The following DNM3 variants were observed in gnomAD, a reference collection of about 807,000 sequenced individuals.
The protein encoded by DNM3 is dynamin 3.
Under a neutral mutation model 101.6 loss-of-function variants are expected in DNM3, and 47 were observed. The observed-to-expected ratio is 0.46, with a 90% CI of 0.37 to 0.59. DNM3 has a LOEUF of 0.59. Ranked by LOEUF, DNM3 falls within the 20% of genes least tolerant of loss-of-function variation. DNM3 has a pLI of 0.00. For synonymous variants in DNM3, 385 were observed against 387.9 expected (o/e 0.99, Z 0.09); for missense variants, 849 against 1,085.7 (o/e 0.78, Z 3.06).
At chr1:171,985,531 G>A (rs2045185589) in intron 2 of DNM3, among the ~76,000 whole-genome samples, 1 of 152,164 alleles carries the variant, frequency 6.6e-6, no homozygotes, top group East Asian at 1.9e-4. Context: ...GCCTGTTGAG[G>A]CTTTACTGTT....
chr1:171,841,823 C>A lies in DNM3; in HGVS notation c.161+6C>A, dbSNP rs373357481. The A allele has an allele frequency of 3.1e-6, 5 of 1,603,406 alleles. No homozygotes were observed. In the African/African-American group the frequency reaches 6.7e-5, roughly 21 times the overall value. ...CTCGAGAACTTCGTGGGCAGGTAAG[C>A]GCGCAGGGCGCGGAGTAAGGATGCG... On this transcript the variant is annotated splice_donor_region_variant and intron_variant, in intron 1 of 20. Coordinates refer to ENST00000627582, the MANE Select transcript of DNM3 (RefSeq NM_015569.5).
chr1:171,929,815 G>C (rs1215992655), intron 2 of DNM3, among the ~76,000 whole-genome samples: 1 of 152,218 alleles, frequency 6.6e-6, no homozygotes, highest in Non-Finnish European at 1.5e-5. Flanking sequence ...CAGCATTGGG[G>C]ATCCTCTTAA....
intron 11 of DNM3, among the ~76,000 whole-genome samples, chr1:172,081,219 C>T (rs1463509946): frequency 6.6e-6 from 1 of 152,144 alleles, no homozygotes; most frequent in Non-Finnish European, 1.5e-5. Flanking sequence ...ACCTCAGCCT[C>T]CAGAGTAGCT....
At position 171,968,787 on chromosome 1, in the gene DNM3, A is replaced by G. The variant is rs187150584; in HGVS notation, c.236-18869A>G. Among the ~76,000 whole-genome samples the G allele has an allele frequency of 1.4e-3, 204 of 150,926 alleles. 1 individual carries two copies. Among genetic ancestry groups the G allele is most frequent in the Non-Finnish European group, 2.4e-3 (160 of 67,966 alleles). ...TTTGCTTACTAAGCTATACTAAGGG[A>G]AAAAAAATGGGACTAAATTTAAATA... On this transcript the variant is annotated intron_variant, in intron 2 of 20. Transcript: ENST00000627582.
chr1:171,923,701 T>G (rs2040350879), intron 2 of DNM3, among the ~76,000 whole-genome samples: 2 of 152,210 alleles, frequency 1.3e-5, no homozygotes, highest in South Asian at 4.1e-4. Context: ...AATTTCATTT[T>G]AGATTTGGGG....
intron 12 of DNM3, among the ~76,000 whole-genome samples, chr1:172,083,958 T>C (rs921257497): frequency 3.3e-5 from 5 of 152,270 alleles, no homozygotes; most frequent in East Asian, 3.9e-4. Context: ...CTTTATGATA[T>C]TGGGGAGAAA....
chr1:172,318,900 G>A (rs1250649480), intron 16 of DNM3, among the ~76,000 whole-genome samples: 2 of 152,038 alleles, frequency 1.3e-5, no homozygotes, highest in African/African-American at 2.4e-5. Context: ...TAAAGTTCAT[G>A]TGGAACCAAA....
intron 15 of DNM3, among the ~76,000 whole-genome samples, chr1:172,265,606 A>C (rs2062828758): frequency 6.6e-6 from 1 of 152,212 alleles, no homozygotes; most frequent in Non-Finnish European, 1.5e-5. Flanking sequence ...CCTAAAGTTC[A>C]CTGTGGCATG....
At position 172,306,826 on chromosome 1, in the gene DNM3, G is replaced by T. The variant is rs572361594; in HGVS notation, c.1770-1902G>T. Among the ~76,000 whole-genome samples the T allele has an allele frequency of 2.8e-3, 421 of 152,310 alleles. 1 individual carries two copies. The highest frequency in any genetic ancestry group is 9.5e-3 in the African/African-American group (394 of 41,576). On this transcript the variant is annotated intron_variant, in intron 15 of 20. Transcript: ENST00000627582. ...TGCTGGGAAAACTGGGTAGCCATAT[G>T]TAGAAATCTGAAACTGGATCCCTTC...
At chr1:171,995,583 C>A (rs963335425) in intron 4 of DNM3, among the ~76,000 whole-genome samples, 4 of 152,198 alleles carry the variant, frequency 2.6e-5, no homozygotes, top group Admixed American at 2.6e-4. Context: ...CGTTTATATT[C>A]CTCATTCTGG....
chr1:172,143,361 A>G (rs2057694900), intron 14 of DNM3, among the ~76,000 whole-genome samples: 1 of 152,174 alleles, frequency 6.6e-6, no homozygotes, highest in Admixed American at 6.5e-5. Context: ...GGGGTTAAGA[A>G]AATTAGGGAT....
intron 12 of DNM3, among the ~76,000 whole-genome samples, chr1:172,084,441 A>T (rs894157301): frequency 3.3e-5 from 5 of 152,164 alleles, no homozygotes; most frequent in Admixed American, 1.3e-4. Flanking sequence ...AGCTGCTAAT[A>T]TCATTATCTC....
chr1:172,131,035 T>TG, intron 13 of DNM3, 140 bp from the exon 14 acceptor site: 3 of 705,140 alleles, frequency 4.3e-6, no homozygotes, highest in Non-Finnish European at 7.3e-6. Flanking sequence ...CTTGAATAAC[T>TG]CAATGGAAGT....
intron 2 of DNM3, among the ~76,000 whole-genome samples, chr1:171,979,631 G>A (rs1419175538): frequency 6.6e-6 from 1 of 152,150 alleles, no homozygotes; most frequent in East Asian, 1.9e-4. Flanking sequence ...CCCCATCTCT[G>A]GGTATTTCTG....
intron 2 of DNM3, among the ~76,000 whole-genome samples, chr1:171,982,677 T>TGG (rs2044897569): frequency 6.6e-6 from 1 of 151,522 alleles, no homozygotes; most frequent in Non-Finnish European, 1.5e-5. Context: ...TGTGTGTGTG[T>TGG]GTGTGTATAA....
chr1:171,995,248 G>A (rs1326333768), intron 4 of DNM3, among the ~76,000 whole-genome samples: 1 of 151,908 alleles, frequency 6.6e-6, no homozygotes, highest in East Asian at 1.9e-4. Context: ...TGGGATTACA[G>A]GCATGTGCCA....
chr1:172,388,946 C>T, intron 20 of DNM3, 137 bp downstream of exon 20: 1 of 770,252 alleles, frequency 1.3e-6, no homozygotes, highest in African/African-American at 1.8e-5. Flanking sequence ...TGAACAGAGA[C>T]TATAGGAAAA....
chr1:172,316,717 A>G (rs2065381110), intron 16 of DNM3, among the ~76,000 whole-genome samples: 1 of 152,166 alleles, frequency 6.6e-6, no homozygotes, highest in Non-Finnish European at 1.5e-5. Context: ...CACCCAATAC[A>G]GGAGCACCCA....
chr1:172,083,669 A>G (rs146328629), intron 12 of DNM3, among the ~76,000 whole-genome samples: 76 of 152,314 alleles, frequency 5.0e-4, no homozygotes, highest in African/African-American at 1.8e-3. Flanking sequence ...CCGTGCTTCA[A>G]TTTAAATTTC....
Sources: gnomAD v4.1 joint callset for allele counts (sites outside exome capture counted in the v4.1 genomes callset) on GRCh38, gnomAD v4.1.1 for gene constraint, MANE v1.5 for transcripts, NCBI Gene and HGNC (gene_info 2026-07-23, HGNC 2026-07-21) for gene names.